CCDC178: variants seen among roughly 807,000 people sequenced by gnomAD.
CCDC178 encodes the protein coiled-coil domain containing 178.
A neutral mutation model predicts 117.4 loss-of-function variants in CCDC178; 126 were observed. That is an observed-to-expected ratio of 1.07 (90% CI 0.93 to 1.24). The LOEUF is 1.24. CCDC178 is among the 50% of genes most tolerant of loss of function. CCDC178 has a pLI of 0.00. For synonymous variants in CCDC178, 283 were observed against 313.4 expected (o/e 0.90, Z 1.02); for missense variants, 1,030 against 986.9 (o/e 1.04, Z -0.59).
chr18:33,140,166 G>A (rs1043313025), intron 20 of CCDC178, among the ~76,000 whole-genome samples: 3 of 152,164 alleles, frequency 2.0e-5, no homozygotes, highest in Non-Finnish European at 2.9e-5. Flanking sequence ...CCTGGATGTT[G>A]AGGCAGAAGT....
At chr18:33,158,488 A>G (rs1233251185) in intron 20 of CCDC178, among the ~76,000 whole-genome samples, 3 of 152,132 alleles carry the variant, frequency 2.0e-5, no homozygotes, top group African/African-American at 7.2e-5. Flanking sequence ...TGCAATTTAA[A>G]AAAACTAAAA....
At chr18:33,306,087 G>T (rs1257021048) in intron 11 of CCDC178, among the ~76,000 whole-genome samples, 1 of 152,128 alleles carries the variant, frequency 6.6e-6, no homozygotes, top group East Asian at 1.9e-4. Context: ...TTCTCTGCCT[G>T]CTTTGAATCT....
At position 33,371,273 on chromosome 18, in the gene CCDC178, A is replaced by ATG. The variant is rs80142069; in HGVS notation, c.209-1086_209-1085dup. On this transcript the variant is annotated intron_variant, in intron 5 of 22. Transcript: ENST00000383096. Reference sequence around the variant, plus strand: ...TACAATGTTCGACTCTCTCTCATATATGTGTGTGTGTGTATATATGTGTAT... The same window carrying ATG: ...TACAATGTTCGACTCTCTCTCATATATGTGTGTGTGTGTGTATATATGTGTAT... 6.7e-3 allele frequency among the ~76,000 whole-genome samples: 1,011 copies of ATG among 151,564 alleles called. 8 individuals carry two copies. The highest frequency in any genetic ancestry group is 0.023 in the African/African-American group (955 of 41,422).
At chr18:33,430,742 T>C (rs2064202521) in intron 2 of CCDC178, among the ~76,000 whole-genome samples, 1 of 152,172 alleles carries the variant, frequency 6.6e-6, no homozygotes, top group Non-Finnish European at 1.5e-5. Context: ...GTCTAACCTG[T>C]TCTAATAGAG....
chr18:33,395,939 T>C (rs2063628821), intron 4 of CCDC178, among the ~76,000 whole-genome samples: 1 of 152,050 alleles, frequency 6.6e-6, no homozygotes, highest in Non-Finnish European at 1.5e-5. Context: ...TTTCCTTGAA[T>C]AATATGTAAA....
chr18:32,991,156 A>T (rs1568202943), intron 21 of CCDC178, among the ~76,000 whole-genome samples: 1 of 152,170 alleles, frequency 6.6e-6, no homozygotes, highest in Non-Finnish European at 1.5e-5. Context: ...AAAGATTCTT[A>T]GTAGCAAGAA....
intron 12 of CCDC178, among the ~76,000 whole-genome samples, chr18:33,286,251 A>G (rs1420594679): frequency 6.6e-6 from 1 of 152,148 alleles, no homozygotes; most frequent in Non-Finnish European, 1.5e-5. Flanking sequence ...CTGGGATTAC[A>G]GGCATGAGCC....
At chr18:33,290,215 T>C (rs949261015) in intron 12 of CCDC178, among the ~76,000 whole-genome samples, 3 of 152,170 alleles carry the variant, frequency 2.0e-5, no homozygotes, top group African/African-American at 7.2e-5. Context: ...TTTTGTCAAA[T>C]GAAATATTTA....
Position 32,999,826 on chromosome 18 carries a change from T to G in CCDC178, c.2389-25145A>C, listed in dbSNP as rs7244486. ...TAGATATGGCTATAGATACCAAAAC[T>G]CAGGTCACAATGTCCAAGTCCATTC... On this transcript the variant is annotated intron_variant, in intron 21 of 22. Coordinates refer to ENST00000383096, the MANE Select transcript of CCDC178 (RefSeq NM_001105528.4). Among the ~76,000 whole-genome samples, 1,459 of 152,196 alleles carry G rather than the reference T, an allele frequency of 9.6e-3. 24 individuals are homozygous for G. The highest frequency in any genetic ancestry group is 0.034 in the African/African-American group (1,402 of 41,522).
At chr18:33,227,152 C>T (rs1286372400) in intron 15 of CCDC178, among the ~76,000 whole-genome samples, 1 of 151,904 alleles carries the variant, frequency 6.6e-6, no homozygotes, top group Non-Finnish European at 1.5e-5. Context: ...TCAATTTCTC[C>T]TTTTAAAAAC....
rs1427267153 is a variant in CCDC178 at position 33,087,009 on chromosome 18, CACACA to C, written c.2388+5747_2388+5751del. On this transcript the variant is annotated intron_variant, in intron 21 of 22. Transcript: ENST00000383096. The stretch of plus-strand genomic sequence containing the variant: ...ACACACACACACACACACACACACA[CACACA>C]ACAAAATAGCCATTGGTTGACACAC... Among the ~76,000 whole-genome samples, 551 of 144,204 alleles carry C rather than the reference CACACA, an allele frequency of 3.8e-3. 4 individuals carry two copies. Among genetic ancestry groups the C allele is most frequent in the Non-Finnish European group, 7.0e-3 (463 of 66,048 alleles). 94.6% of individuals were successfully genotyped at this position (144,204 alleles called of 152,430 possible). A position where few individuals can be genotyped will look rare whatever the true frequency, so the allele number is the denominator to read the frequency against.
In CCDC178 at chr18:33,323,536, A is replaced by T; in HGVS notation, c.977T>A (p.Ile326Asn). The change falls in exon 11 of 23, where the codon ATT becomes AAT. Residue 326 changes from isoleucine (I) to asparagine (N), a missense_variant. By Grantham distance (149) the Ile-to-Asn change is moderately radical. Coordinates refer to ENST00000383096, the MANE Select transcript of CCDC178 (RefSeq NM_001105528.4). The part of the protein sequence containing the change: ...RLKAQQIKEE[I>N]DKDIYQDEKT... ...TTCATCCTGGTAAATATCCTTATCA[A>T]TCTCTTCTTTAATTTGCTGAGCCTT... is the stretch of plus-strand genomic sequence containing the variant. 2 of 1,568,612 alleles carry T rather than the reference A, an allele frequency of 1.3e-6. No individual in the cohort carries two copies. The highest frequency in any genetic ancestry group is 1.7e-6 in the Non-Finnish European group (2 of 1,157,644).
intron 20 of CCDC178, among the ~76,000 whole-genome samples, chr18:33,138,430 CT>C (rs1453561014): frequency 6.6e-6 from 1 of 152,174 alleles, no homozygotes; most frequent in Non-Finnish European, 1.5e-5. Context: ...ACTTCCCAGT[CT>C]TTTCGTCAGT....
intron 22 of CCDC178, among the ~76,000 whole-genome samples, chr18:32,958,508 T>C (rs567662815): frequency 3.3e-5 from 5 of 152,308 alleles, no homozygotes; most frequent in African/African-American, 1.2e-4. Context: ...TGAAATACCA[T>C]AATTAGTTCA....
chr18:33,083,035 T>C (rs915918314), intron 21 of CCDC178, among the ~76,000 whole-genome samples: 1 of 152,150 alleles, frequency 6.6e-6, no homozygotes, highest in Non-Finnish European at 1.5e-5. Context: ...GTAATCTCAT[T>C]TAATAACAAC....
intron 22 of CCDC178, among the ~76,000 whole-genome samples, chr18:32,941,250 T>A (rs957880959): frequency 6.6e-5 from 10 of 152,122 alleles, no homozygotes; most frequent in Admixed American, 6.6e-4. Context: ...ACTGTGATGA[T>A]AATTTCAATT....
intron 9 of CCDC178, among the ~76,000 whole-genome samples, chr18:33,337,883 C>T (rs574048744): frequency 5.9e-5 from 9 of 152,040 alleles, no homozygotes; most frequent in East Asian, 3.9e-4. Flanking sequence ...CAAAAGCAAA[C>T]GCAACAAAAA....
intron 12 of CCDC178, among the ~76,000 whole-genome samples, chr18:33,277,849 C>A (rs111902603): frequency 6.6e-6 from 1 of 152,256 alleles, no homozygotes; most frequent in Non-Finnish European, 1.5e-5. Context: ...CCCAATCTAA[C>A]GGCACTGATT....
intron 14 of CCDC178, among the ~76,000 whole-genome samples, chr18:33,254,251 AACACACACACACACACAC>A (rs34689445): frequency 8.1e-5 from 11 of 135,464 alleles, no homozygotes; most frequent in Admixed American, 2.3e-4. Context: ...TCTATTGAGA[AACACACACACACACACAC>A]ACACACACAC....
Sources: allele counts gnomAD v4.1 joint callset (sites outside exome capture counted in the v4.1 genomes callset), GRCh38; gene constraint gnomAD v4.1.1; transcripts MANE v1.5; gene names NCBI Gene and HGNC (gene_info 2026-07-23, HGNC 2026-07-21).